PCCA: variants seen among roughly 807,000 people sequenced by gnomAD.
PCCA encodes the protein propionyl-CoA carboxylase alpha chain, mitochondrial.
A neutral mutation model predicts 101.3 loss-of-function variants in PCCA; 74 were observed. That is an observed-to-expected ratio of 0.73 (90% CI 0.61 to 0.89). The LOEUF is 0.89. Ranked by LOEUF, PCCA falls within the 40% of genes least tolerant of loss-of-function variation. The probability of loss-of-function intolerance (pLI) is 0.00; values close to 1 mark genes in which losing one functional copy is unlikely to be tolerated. For synonymous variants in PCCA, 294 were observed against 313.6 expected (o/e 0.94, Z 0.66); for missense variants, 891 against 907.0 (o/e 0.98, Z 0.23).
chr13:100,457,581 A>G (rs6491562), intron 21 of PCCA, among the ~76,000 whole-genome samples: 15,808 of 152,238 alleles, frequency 0.1, 1,380 homozygotes, highest in African/African-American at 0.24. Flanking sequence ...GGGTTGCATT[A>G]TAGGAGAGGA....
chr13:100,170,561 G>A (rs929965493), intron 6 of PCCA, among the ~76,000 whole-genome samples: 8 of 152,152 alleles, frequency 5.3e-5, no homozygotes, highest in Non-Finnish European at 8.8e-5. Flanking sequence ...ATTCTTTTCT[G>A]TATGTTTCCA....
intron 19 of PCCA, among the ~76,000 whole-genome samples, chr13:100,377,176 A>G (rs548991377): frequency 6.6e-6 from 1 of 152,084 alleles, no homozygotes; most frequent in South Asian, 2.1e-4. Flanking sequence ...TGAGCCGGGT[A>G]CCTCAGTTGG....
intron 18 of PCCA, among the ~76,000 whole-genome samples, chr13:100,349,411 G>A (rs997526852): frequency 2.0e-5 from 3 of 152,164 alleles, no homozygotes; most frequent in African/African-American, 7.2e-5. Context: ...ACAGGCGTGA[G>A]CCACCGTGCC....
chr13:100,485,224 C>T (rs1398392748), intron 21 of PCCA, among the ~76,000 whole-genome samples: 1 of 152,182 alleles, frequency 6.6e-6, no homozygotes. Context: ...ATGGATTGGG[C>T]CTGTGTTTCT....
At chr13:100,273,490 C>T (rs920976852) in intron 12 of PCCA, 144 bp downstream of exon 12, 5 of 696,540 alleles carry the variant, frequency 7.2e-6, no homozygotes, top group Admixed American at 2.3e-5. Context: ...GCTAAGACAT[C>T]TGTTAGGAAT....
chr13:100,158,623 A>T (rs529402124), intron 6 of PCCA, among the ~76,000 whole-genome samples: 7 of 152,300 alleles, frequency 4.6e-5, no homozygotes, highest in Non-Finnish European at 8.8e-5. Flanking sequence ...AAACTATTTG[A>T]ATATAATACT....
chr13:100,167,604 G>A (rs1288224893), intron 6 of PCCA, among the ~76,000 whole-genome samples: 3 of 152,054 alleles, frequency 2.0e-5, no homozygotes, highest in Non-Finnish European at 4.4e-5. Flanking sequence ...CAAACTCAAG[G>A]TCACTGAGAC....
intron 16 of PCCA, 32 bp from the exon 17 acceptor site, chr13:100,330,529 T>C (rs1353964809): frequency 7.8e-7 from 1 of 1,287,466 alleles, no homozygotes; most frequent in Non-Finnish European, 1.1e-6. Flanking sequence ...ACTGATTCAT[T>C]GTTCTTCAAT....
At chr13:100,112,215 A>G (rs1037588464) in intron 4 of PCCA, among the ~76,000 whole-genome samples, 154 bp downstream of exon 4, 1 of 152,230 alleles carries the variant, frequency 6.6e-6, no homozygotes, top group Admixed American at 6.5e-5. Flanking sequence ...AAACGACAGT[A>G]TCACAGTATC....
intron 7 of PCCA, among the ~76,000 whole-genome samples, chr13:100,213,553 C>G (rs1284791066): frequency 6.6e-6 from 1 of 152,096 alleles, no homozygotes; most frequent in African/African-American, 2.4e-5. Context: ...CTATTCAGAT[C>G]TTTTGCCCAT....
intron 4 of PCCA, among the ~76,000 whole-genome samples, chr13:100,112,364 A>G (rs1351052012): frequency 6.6e-6 from 1 of 152,202 alleles, no homozygotes; most frequent in Admixed American, 6.5e-5. Context: ...AAATGTTTAC[A>G]CAGTGCTCCC....
At position 100,106,049 on chromosome 13, in the gene PCCA, C is replaced by A. The variant is rs548690682; in HGVS notation, c.183+3089C>A. On this transcript the variant is annotated intron_variant, in intron 2 of 23. Transcript: ENST00000376285. ...TTTAAGGATAATACTCGGGCCCGAT[C>A]CCTAAATGAATAGTTCTGTGTTCAG... is the stretch of plus-strand genomic sequence containing the variant. Among the ~76,000 whole-genome samples, 4 of 152,062 alleles carry A rather than the reference C, an allele frequency of 2.6e-5. No homozygotes were observed. The South Asian group carries it at 8.3e-4, about 32-fold the overall frequency.
chr13:100,419,890 T>C (rs1186127085), intron 19 of PCCA, among the ~76,000 whole-genome samples: 1 of 152,234 alleles, frequency 6.6e-6, no homozygotes, highest in Non-Finnish European at 1.5e-5. Flanking sequence ...TTGGTGCACT[T>C]GAGTCCTTGG....
At chr13:100,346,100 C>T (rs138226827) in intron 18 of PCCA, among the ~76,000 whole-genome samples, 6 of 152,224 alleles carry the variant, frequency 3.9e-5, no homozygotes, top group East Asian at 1.9e-4. Flanking sequence ...GCTAACACAA[C>T]GTTCATTCTG....
chr13:100,096,387 A>G (rs1291577696), intron 1 of PCCA, among the ~76,000 whole-genome samples: 1 of 152,198 alleles, frequency 6.6e-6, no homozygotes, highest in Non-Finnish European at 1.5e-5. Context: ...TAATTGATAA[A>G]TGTGTGAGTT....
chr13:100,091,322 G>A lies in PCCA; in HGVS notation c.105+2097G>A, dbSNP rs965713022. Among the ~76,000 whole-genome samples the A allele has an allele frequency of 3.3e-5, 5 of 152,326 alleles. No individual in the cohort carries two copies. In the South Asian group the frequency reaches 8.3e-4, roughly 25 times the overall value. Reference sequence around the variant, plus strand: ...TACTGTGTAATACATACGCTTTGATGATTCTTACCTGGTTTTTTCCTTTTA... The same window carrying A: ...TACTGTGTAATACATACGCTTTGATAATTCTTACCTGGTTTTTTCCTTTTA... On this transcript the variant is annotated intron_variant, in intron 1 of 23. Transcript: ENST00000376285.
intron 8 of PCCA, among the ~76,000 whole-genome samples, chr13:100,247,650 A>C (rs530640632): frequency 1.5e-3 from 229 of 151,514 alleles, no homozygotes; most frequent in Middle Eastern, 3.4e-3. Context: ...AGTAGCTGTG[A>C]CTACAGGTGC....
intron 18 of PCCA, among the ~76,000 whole-genome samples, chr13:100,367,550 A>G (rs1324861375): frequency 1.3e-5 from 2 of 152,014 alleles, no homozygotes; most frequent in African/African-American, 4.8e-5. Context: ...ATATAATAAC[A>G]TAATAAGTGG....
chr13:100,509,213 G>T (rs527656488), intron 21 of PCCA, among the ~76,000 whole-genome samples: 1 of 152,198 alleles, frequency 6.6e-6, no homozygotes, highest in African/African-American at 2.4e-5. Context: ...AACTGTTACC[G>T]TGACGCTGAG....
Sources: gnomAD v4.1 joint callset for allele counts (sites outside exome capture counted in the v4.1 genomes callset) on GRCh38, gnomAD v4.1.1 for gene constraint, MANE v1.5 for transcripts, NCBI Gene and HGNC (gene_info 2026-07-23, HGNC 2026-07-21) for gene names.